NAV2: variants seen among roughly 807,000 people sequenced by gnomAD.
NAV2 encodes helicase, APC down-regulated 1.
NAV2 carries 54 observed loss-of-function variants against 223.2 expected under a neutral mutation model. The observed-to-expected ratio is 0.24, with a 90% CI of 0.19 to 0.30. The LOEUF is 0.30. Ranked by LOEUF, NAV2 falls within the 10% of genes least tolerant of loss-of-function variation. The probability of loss-of-function intolerance (pLI) is 1.00; values close to 1 mark genes in which losing one functional copy is unlikely to be tolerated. For missense variants in NAV2, 2,806 were observed against 3,147.5 expected, an observed-to-expected ratio of 0.89 and a Z score of 2.60; for synonymous variants, 1,279 against 1,239.3, an observed-to-expected ratio of 1.03 and a Z score of -0.67.
At chr11:19,628,284 G>A (rs1353426072) in intron 1 of NAV2, among the ~76,000 whole-genome samples, 1 of 152,198 alleles carries the variant, frequency 6.6e-6, no homozygotes, top group Non-Finnish European at 1.5e-5. Flanking sequence ...GTTCCTGGGT[G>A]AGGAGCAAGG....
chr11:19,479,221 T>C (rs2042208897), intron 1 of NAV2, among the ~76,000 whole-genome samples: 1 of 152,134 alleles, frequency 6.6e-6, no homozygotes, highest in Non-Finnish European at 1.5e-5. Context: ...GATGAGAGTC[T>C]GGAAGCTCCA....
At chr11:19,932,236 C>CAAAAAAAAAAAAAAAAAAAAAAA (rs398015484) in intron 6 of NAV2, among the ~76,000 whole-genome samples, 3 of 78,988 alleles carry the variant, frequency 3.8e-5, no homozygotes, top group African/African-American at 6.1e-5. Context: ...CACTCTTAAG[C>CAAAAAAAAAAAAAAAAAAAAAAA]AAAAAAAAAA....
At position 19,827,897 on chromosome 11, in the gene NAV2, G is replaced by A. The variant is rs542484363; in HGVS notation, c.268-4587G>A. Among the ~76,000 whole-genome samples, 148 of 151,280 alleles carry A rather than the reference G, an allele frequency of 9.8e-4. 1 individual carries two copies. The highest frequency in any genetic ancestry group is 1.6e-3 in the Non-Finnish European group (106 of 67,716). ...CGAGCCCACGCCCAGGCCTAGGAGG[G>A]AGGATCCTTTGTTCTATGAGTTTCA... On this transcript the variant is annotated intron_variant, in intron 1 of 37. Transcript: ENST00000349880.
At chr11:19,858,851 T>G (rs1195218675) in intron 3 of NAV2, among the ~76,000 whole-genome samples, 1 of 152,202 alleles carries the variant, frequency 6.6e-6, no homozygotes, top group Non-Finnish European at 1.5e-5. Context: ...GTCTCACACT[T>G]CAAAATGATC....
intron 3 of NAV2, among the ~76,000 whole-genome samples, chr11:19,861,039 AGGGAGG>A (rs1354148784): frequency 4.6e-4 from 21 of 46,002 alleles, no homozygotes; most frequent in Admixed American, 1.3e-3. Context: ...GCAGAGGGAG[AGGGAGG>A]GGGAGGGGGA....
intron 4 of NAV2, among the ~76,000 whole-genome samples, chr11:19,877,470 C>CTTTTTTCTTTTCT (rs2062910715): frequency 2.4e-5 from 2 of 82,600 alleles, no homozygotes; most frequent in East Asian, 3.3e-4. Flanking sequence ...TATCTTCATT[C>CTTTTTTCTTTTCT]TTTTTTTTTT....
chr11:19,583,052 T>C (rs919118817), intron 1 of NAV2, among the ~76,000 whole-genome samples: 5 of 152,240 alleles, frequency 3.3e-5, no homozygotes, highest in East Asian at 1.9e-4. Flanking sequence ...TTTTATTTCA[T>C]TGAGCAGTGG....
At chr11:20,110,422 G>C (rs922020491) in intron 36 of NAV2, among the ~76,000 whole-genome samples, 1 of 152,148 alleles carries the variant, frequency 6.6e-6, no homozygotes, top group Non-Finnish European at 1.5e-5. Flanking sequence ...CCTGCTACTT[G>C]ACAGGCACCA....
At chr11:19,672,647 G>C (rs1399144569) in intron 1 of NAV2, among the ~76,000 whole-genome samples, 5 of 152,072 alleles carry the variant, frequency 3.3e-5, no homozygotes, top group Non-Finnish European at 7.4e-5. Flanking sequence ...GATATGCTGA[G>C]GGTAATTGAC....
chr11:19,447,471 T>A (rs985993977), intron 1 of NAV2, among the ~76,000 whole-genome samples: 1 of 152,168 alleles, frequency 6.6e-6, no homozygotes, highest in Non-Finnish European at 1.5e-5. Flanking sequence ...AGGACAAACG[T>A]GCTTAACCTC....
chr11:19,633,772 G>A (rs930226444), intron 1 of NAV2, among the ~76,000 whole-genome samples: 1 of 152,192 alleles, frequency 6.6e-6, no homozygotes, highest in African/African-American at 2.4e-5. Context: ...GTCTGGCTTC[G>A]GCCTTTGCTC....
chr11:19,911,645 C>G (rs1399099497), intron 6 of NAV2, among the ~76,000 whole-genome samples: 1 of 152,056 alleles, frequency 6.6e-6, no homozygotes, highest in East Asian at 1.9e-4. Context: ...TCACCTCACT[C>G]TAAGAATTCT....
intron 1 of NAV2, among the ~76,000 whole-genome samples, chr11:19,478,725 G>A (rs1440659770): frequency 6.6e-6 from 1 of 152,148 alleles, no homozygotes; most frequent in Admixed American, 6.5e-5. Flanking sequence ...ATGTGTGCAC[G>A]CACGCTTCTC....
At chr11:19,557,510 C>T (rs903137801) in intron 1 of NAV2, among the ~76,000 whole-genome samples, 5 of 152,292 alleles carry the variant, frequency 3.3e-5, no homozygotes, top group Admixed American at 1.3e-4. Flanking sequence ...CATGGACAAT[C>T]GATGGTACTC....
At chr11:19,547,493 C>G (rs1462105543) in intron 1 of NAV2, among the ~76,000 whole-genome samples, 1 of 152,186 alleles carries the variant, frequency 6.6e-6, no homozygotes, top group African/African-American at 2.4e-5. Context: ...TTTCCATCCC[C>G]CCTTGGCTGC....
intron 7 of NAV2, among the ~76,000 whole-genome samples, chr11:19,938,306 G>A (rs2046094072): frequency 6.6e-6 from 1 of 152,048 alleles, no homozygotes. Context: ...TAGGAAGAGT[G>A]TAGAATGGAG....
chr11:20,028,565 TG>T (rs2055339464), intron 11 of NAV2, among the ~76,000 whole-genome samples: 1 of 152,222 alleles, frequency 6.6e-6, no homozygotes, highest in South Asian at 2.1e-4. Context: ...AAAGCTGATC[TG>T]TATGTACTAT....
At chr11:19,556,819 G>GA (rs1590515386) in intron 1 of NAV2, among the ~76,000 whole-genome samples, 2 of 152,224 alleles carry the variant, frequency 1.3e-5, no homozygotes, top group East Asian at 3.9e-4. Context: ...TAAAACTACT[G>GA]TTATTTGAAG....
chr11:19,934,090 C>T lies in NAV2; in HGVS notation c.1846C>T (p.Leu616=). The change falls in exon 7 of 38, where the codon CTG becomes TTG. Residue 616 remains leucine (L), a synonymous_variant. Transcript: ENST00000349880. ...CAGACACTCCAGTTCCTCTTCCAGC[C>T]TGGCGTCCTCAGAAGGAAAAGGCCC... is the stretch of plus-strand genomic sequence containing the variant. ...DGRHSSSSSS[L]ASSEGKGPGG... 2 of 1,612,994 alleles carry T rather than the reference C, an allele frequency of 1.2e-6. No individual in the cohort carries two copies. Among genetic ancestry groups the T allele is most frequent in the Non-Finnish European group, 1.7e-6 (2 of 1,179,484 alleles).
Sources: allele counts gnomAD v4.1 joint callset (sites outside exome capture counted in the v4.1 genomes callset), GRCh38; gene constraint gnomAD v4.1.1; transcripts MANE v1.5; gene names NCBI Gene and HGNC (gene_info 2026-07-23, HGNC 2026-07-21).